The following EAPP variants were observed in gnomAD, a reference collection of about 807,000 sequenced individuals.
EAPP encodes E2F associated phosphoprotein.
A neutral mutation model predicts 34.3 loss-of-function variants in EAPP; 38 were observed. The observed-to-expected ratio is 1.11, with a 90% CI of 0.85 to 1.45. The LOEUF (loss-of-function observed/expected upper bound fraction) is 1.45. Ranked by LOEUF, EAPP falls within the 40% of genes most tolerant of loss-of-function variation. The pLI is 0.00. For synonymous variants in EAPP, 113 were observed against 117.6 expected (o/e 0.96, Z 0.25); for missense variants, 338 against 343.7 (o/e 0.98, Z 0.13).
Position 34,529,429 on chromosome 14 carries a change from T to A in EAPP, c.399A>T (p.Thr133=), listed in dbSNP as rs200994225. The change falls in exon 4 of 6, where the codon ACA becomes ACT. Residue 133 remains threonine, a synonymous_variant. Transcript: ENST00000250454. ...CAGGATCATACAGTAATTCGTCATT[T>A]GTTGGAATCTTGTGTTGTTTCTTCT... is the stretch of plus-strand genomic sequence containing the variant. ...KKKKKQHKIP[T]NDELLYDPEK... 190 of 1,613,544 alleles carry A rather than the reference T, an allele frequency of 1.2e-4. No individual in the cohort carries two copies. The highest frequency in any genetic ancestry group is 1.5e-4 in the Non-Finnish European group (177 of 1,179,936).
chr14:34,525,613 G>C (rs1426432047), intron 4 of EAPP, among the ~76,000 whole-genome samples: 2 of 152,124 alleles, frequency 1.3e-5, no homozygotes, highest in Non-Finnish European at 2.9e-5. Context: ...GAAGAGCCCA[G>C]GGAGACATGA....
At chr14:34,524,662 T>TGTGTGTGTGG (rs1880036326) in intron 5 of EAPP, 35 bp downstream of exon 5, 1 of 1,028,440 alleles carries the variant, frequency 9.7e-7, no homozygotes, top group Admixed American at 1.7e-5. Flanking sequence ...TATGTATGTG[T>TGTGTGTGTGG]GTGTGTGTGT....
At chr14:34,517,181 G>A (rs1879765048) in intron 5 of EAPP, among the ~76,000 whole-genome samples, 1 of 151,290 alleles carries the variant, frequency 6.6e-6, no homozygotes, top group Non-Finnish European at 1.5e-5. Context: ...CTTGTGATCT[G>A]CCCGCCTCGG....
At chr14:34,532,722 T>A (rs1269951154) in intron 3 of EAPP, among the ~76,000 whole-genome samples, 1 of 150,598 alleles carries the variant, frequency 6.6e-6, no homozygotes, top group African/African-American at 2.4e-5. Flanking sequence ...TTGCCCAGGC[T>A]GGAGTGCAAT....
At chr14:34,533,044 T>C (rs1299527091) in intron 3 of EAPP, among the ~76,000 whole-genome samples, 2 of 151,388 alleles carry the variant, frequency 1.3e-5, no homozygotes, top group African/African-American at 2.4e-5. Flanking sequence ...TATTTATTTA[T>C]TTATTTATTT....
chr14:34,516,220 T>C lies in EAPP; in HGVS notation c.*90A>G. 3.3e-6 allele frequency: 4 copies of C among 1,230,566 alleles called. No individual in the cohort carries two copies. Among genetic ancestry groups the C allele is most frequent in the Non-Finnish European group, 4.5e-6 (4 of 889,140 alleles). 76.2% of individuals were successfully genotyped at this position (1,230,566 alleles called of 1,614,324 possible). A position where few individuals can be genotyped will look rare whatever the true frequency, so the allele number is the denominator to read the frequency against. ...AAAGAGAAACACTGCTTCCTCAATG[T>C]CACTGAAGGATATGAACAGGCAAGA... is the stretch of plus-strand genomic sequence containing the variant. On this transcript the variant is annotated 3_prime_UTR_variant, in exon 6 of 6. Transcript: ENST00000250454.
intron 4 of EAPP, among the ~76,000 whole-genome samples, chr14:34,526,204 G>A (rs578008836): frequency 4.5e-4 from 69 of 152,090 alleles, no homozygotes; most frequent in African/African-American, 1.7e-3. Flanking sequence ...GCTGAGGTGG[G>A]TGGATCACAA....
At chr14:34,534,066 T>A (rs1880383371) in intron 2 of EAPP, among the ~76,000 whole-genome samples, 1 of 152,106 alleles carries the variant, frequency 6.6e-6, no homozygotes, top group East Asian at 1.9e-4. Flanking sequence ...TATTTTTATA[T>A]GCTTTCAGAT....
chr14:34,537,084 C>G (rs1306172629), intron 1 of EAPP, among the ~76,000 whole-genome samples: 2 of 152,068 alleles, frequency 1.3e-5, no homozygotes, highest in East Asian at 3.8e-4. Flanking sequence ...CATCTTGGCT[C>G]ACTGAAACTT....
chr14:34,536,819 T>C (rs1880494113), intron 1 of EAPP, among the ~76,000 whole-genome samples: 1 of 152,036 alleles, frequency 6.6e-6, no homozygotes, highest in Non-Finnish European at 1.5e-5. Context: ...GCTCAAGCGA[T>C]TCTCCTGCCT....
At chr14:34,517,844 G>A (rs12588878) in intron 5 of EAPP, among the ~76,000 whole-genome samples, 56,233 of 149,712 alleles carry the variant, frequency 0.38, 12,113 homozygotes, top group East Asian at 0.68. Flanking sequence ...GTGTGATCTC[G>A]GCTCACTGCA....
Position 34,516,240 on chromosome 14 carries a change from G to T in EAPP, c.*70C>A, listed in dbSNP as rs1594653569. The T allele has an allele frequency of 7.0e-7, 1 of 1,420,326 alleles. No individual in the cohort carries two copies. Among genetic ancestry groups the T allele is most frequent in the East Asian group, 2.3e-5 (1 of 43,700 alleles). The allele number at this position is 1,420,326 out of a possible 1,614,324, so 88.0% of individuals were successfully genotyped here. A position where few individuals can be genotyped will look rare whatever the true frequency, so the allele number is the denominator to read the frequency against. ...CAATGTCACTGAAGGATATGAACAGGCAAGAGGAAAGTAACTGTCCATATT... is the reference window on the plus strand; with the variant it reads ...CAATGTCACTGAAGGATATGAACAGTCAAGAGGAAAGTAACTGTCCATATT... On this transcript the variant is annotated 3_prime_UTR_variant, in exon 6 of 6. Transcript: ENST00000250454.
chr14:34,536,458 A>ATTTTTTTTTTTTTTTTTTTTTT, intron 1 of EAPP, 183 bp from the exon 2 acceptor site: 1 of 126,138 alleles, frequency 7.9e-6, no homozygotes, highest in Non-Finnish European at 1.3e-5. Context: ...ATCTTCTTTA[A>ATTTTTTTTTTTTTTTTTTTTTT]TTTTTTTTTT....
In EAPP at chr14:34,516,452, C is replaced by T. The variant is rs17856037; in HGVS notation, c.716G>A (p.Arg239Gln). ...RRVHKKMRSN[R>Q]EDAAEKAETD... ...CTCTGCCTTCTCGGCAGCATCTTCC[C>T]GGTTAGACCTCATCTTCTTATGGAC... Residue 239 changes from arginine to glutamine, a missense_variant, in exon 6 of 6, where the codon CGG becomes CAG. Arg to Gln is a conservative substitution (Grantham distance 43). Coordinates refer to ENST00000250454, the MANE Select transcript of EAPP (RefSeq NM_018453.4). The T allele has an allele frequency of 0.031, 49,334 of 1,614,004 alleles. 1,575 individuals carry two copies. The highest frequency in any genetic ancestry group is 0.17 in the African/African-American group (12,816 of 74,970).
chr14:34,527,378 G>A (rs907486592), intron 4 of EAPP, among the ~76,000 whole-genome samples: 2 of 151,960 alleles, frequency 1.3e-5, no homozygotes, highest in Non-Finnish European at 2.9e-5. Context: ...TGGGAGGAGT[G>A]CTTGAACCCG....
chr14:34,535,465 C>A (rs1253139885), intron 2 of EAPP, among the ~76,000 whole-genome samples: 1 of 145,286 alleles, frequency 6.9e-6, no homozygotes, highest in Non-Finnish European at 1.5e-5. Context: ...TGGAGTCTCG[C>A]TCTGTCGCTC....
chr14:34,516,055 A>G lies in EAPP; in HGVS notation c.*255T>C. 2.6e-6 allele frequency: 1 copy of G among 379,812 alleles called. No individual in the cohort carries two copies. The highest frequency in any genetic ancestry group is 4.7e-6 in the Non-Finnish European group (1 of 213,028). 23.5% of individuals were successfully genotyped at this position (379,812 alleles called of 1,614,324 possible). A position where few individuals can be genotyped will look rare whatever the true frequency, so the allele number is the denominator to read the frequency against. ...TTTTAATTCTACAGAGCTTTAATAA[A>G]AAGCCCGACAGTTTCCAAATGTTCA... On this transcript the variant is annotated 3_prime_UTR_variant, in exon 6 of 6. Coordinates refer to ENST00000250454, the MANE Select transcript of EAPP (RefSeq NM_018453.4).
chr14:34,535,297 T>G (rs1467775207), intron 2 of EAPP, among the ~76,000 whole-genome samples: 8 of 149,878 alleles, frequency 5.3e-5, no homozygotes, highest in African/African-American at 2.0e-4. Context: ...ACCCAACTAA[T>G]TTTTGTATTT....
chr14:34,539,507 C>A, intron 1 of EAPP, 48 bp downstream of exon 1: 3 of 1,588,630 alleles, frequency 1.9e-6, no homozygotes, highest in Non-Finnish European at 2.6e-6. Flanking sequence ...CGACCAAAGC[C>A]AGGCCTCGAC....
Sources: gnomAD v4.1 joint callset for allele counts (sites outside exome capture counted in the v4.1 genomes callset) on GRCh38, gnomAD v4.1.1 for gene constraint, MANE v1.5 for transcripts, NCBI Gene and HGNC (gene_info 2026-07-23, HGNC 2026-07-21) for gene names.